The following TOP1 variants were observed in gnomAD, a reference collection of about 807,000 sequenced individuals.
TOP1 encodes the protein DNA topoisomerase 1.
A neutral mutation model predicts 111.1 loss-of-function variants in TOP1; 10 were observed. That is an observed-to-expected ratio of 0.09 (90% CI 0.06 to 0.15). The LOEUF (loss-of-function observed/expected upper bound fraction) is 0.15, where lower values mean the gene tolerates loss of function less well. Among genes scored for constraint, TOP1 ranks in the 10% least tolerant of loss-of-function variants. TOP1 has a pLI of 1.00. For missense variants in TOP1, 474 were observed against 926.7 expected (o/e 0.51, Z 6.34); for synonymous variants, 271 against 302.9 (o/e 0.89, Z 1.10).
At chr20:41,077,516 C>A in intron 4 of TOP1, 66 bp from the exon 5 acceptor site, 1 of 1,324,382 alleles carries the variant, frequency 7.6e-7, no homozygotes, top group South Asian at 1.2e-5. Context: ...GCTACATATT[C>A]TCAAAAAGAG....
chr20:41,033,626 A>G lies in TOP1; in HGVS notation c.58+4171A>G, dbSNP rs186058821. Among the ~76,000 whole-genome samples, 214 of 152,294 alleles carry G rather than the reference A, an allele frequency of 1.4e-3. 1 individual carries two copies. The highest frequency in any genetic ancestry group is 2.0e-3 in the Non-Finnish European group (133 of 68,026). The stretch of plus-strand genomic sequence containing the variant: ...ATAGTAACAGTTGTCCCTGCTGCTA[A>G]TGGTATGGAAAATGATTCTGTTGTG... On this transcript the variant is annotated intron_variant, in intron 2 of 20. Transcript: ENST00000361337.
At position 41,058,220 on chromosome 20, in the gene TOP1, A is replaced by G. The variant is rs2033498461; in HGVS notation, c.59-3174A>G. 6.6e-6 allele frequency among the ~76,000 whole-genome samples: 1 copy of G among 152,246 alleles called. No homozygotes were observed. The highest frequency in any genetic ancestry group is 6.5e-5 in the Admixed American group (1 of 15,286). On this transcript the variant is annotated intron_variant, in intron 2 of 20. Transcript: ENST00000361337. This position sits in a 1 kb window ranked among gnomAD's most constrained non-coding sequence, Gnocchi z 4.2. ...GACACATGTGGCTTCTTTTGCTGTG[A>G]GCCAGTCATGGGATGAAGACACATT...
chr20:41,070,882 G>A (rs145296718), intron 3 of TOP1, among the ~76,000 whole-genome samples: 55 of 152,324 alleles, frequency 3.6e-4, no homozygotes, highest in African/African-American at 1.3e-3. Context: ...CTCTTTAGAG[G>A]TAGTTCCTTG....
At chr20:41,107,211 A>G (rs2034160222) in intron 13 of TOP1, among the ~76,000 whole-genome samples, 1 of 152,184 alleles carries the variant, frequency 6.6e-6, no homozygotes, top group Admixed American at 6.5e-5. Flanking sequence ...AGGGATATAT[A>G]TGTATTTATA....
chr20:41,116,205 A>C lies in TOP1; in HGVS notation c.1708-73A>C. 1.0e-6 allele frequency: 1 copy of C among 967,276 alleles called. No individual in the cohort carries two copies. Among genetic ancestry groups the C allele is most frequent in the Non-Finnish European group, 1.6e-6 (1 of 613,084 alleles). 59.9% of individuals were successfully genotyped at this position (967,276 alleles called of 1,614,324 possible). A position where few individuals can be genotyped will look rare whatever the true frequency, so the allele number is the denominator to read the frequency against. ...ACAAGATTGTGACTGCACTGGCATA[A>C]ATTACTCCTAGGGCTGCCAGAAGGA... On this transcript the variant is annotated intron_variant, in intron 16 of 20. Transcript: ENST00000361337. This position sits in a 1 kb window ranked among gnomAD's most constrained non-coding sequence, Gnocchi z 5.6.
At chr20:41,057,076 G>A (rs573828672) in intron 2 of TOP1, among the ~76,000 whole-genome samples, 1 of 152,070 alleles carries the variant, frequency 6.6e-6, no homozygotes, top group African/African-American at 2.4e-5. Context: ...GACCAGCCTC[G>A]GCAACACGGT....
chr20:41,056,899 T>A (rs925717762), intron 2 of TOP1, among the ~76,000 whole-genome samples: 1 of 152,200 alleles, frequency 6.6e-6, no homozygotes, highest in Admixed American at 6.5e-5. Context: ...ATTTGCATTT[T>A]TAGACAGCAG....
intron 2 of TOP1, among the ~76,000 whole-genome samples, chr20:41,041,686 T>C (rs2033266938): frequency 1.3e-5 from 2 of 152,156 alleles, no homozygotes; most frequent in South Asian, 4.1e-4. Context: ...TTGAAGTTGA[T>C]TCTATAGTGG....
chr20:41,038,140 C>G (rs2033212426), intron 2 of TOP1, among the ~76,000 whole-genome samples: 1 of 152,166 alleles, frequency 6.6e-6, no homozygotes, highest in Non-Finnish European at 1.5e-5. Context: ...TCCTCTGATA[C>G]AGAATGCGAA....
Position 41,102,570 on chromosome 20 carries a change from A to G in TOP1, c.1308+1217A>G, listed in dbSNP as rs1283161028. ...GGTCGCAGTGAGCTGAGATCACGCC[A>G]CTGCACTCCAGCCTGGGCAAGAGAC... On this transcript the variant is annotated intron_variant, in intron 13 of 20. Transcript: ENST00000361337. The surrounding 1 kb of genome is among the most constrained non-coding windows in gnomAD (Gnocchi z 4.0). Among the ~76,000 whole-genome samples the G allele has an allele frequency of 1.3e-5, 2 of 152,242 alleles. No homozygotes were observed. The highest frequency in any genetic ancestry group is 2.4e-5 in the African/African-American group (1 of 41,468).
intron 2 of TOP1, among the ~76,000 whole-genome samples, chr20:41,047,714 A>G (rs151251273): frequency 5.6e-4 from 85 of 152,330 alleles, no homozygotes; most frequent in African/African-American, 2.0e-3. Flanking sequence ...TGAATGGGCT[A>G]CAAGGTGTAT....
rs777034891 is a variant in TOP1 at position 41,112,857 on chromosome 20, C to G, written c.1384C>G (p.Arg462Gly). Residue 462 changes from arginine to glycine, a missense_variant, in exon 14 of 21, where the codon CGA becomes GGA. By Grantham distance (125) the Arg-to-Gly change is moderately radical. Transcript: ENST00000361337. This position sits in a 1 kb window ranked among gnomAD's most constrained non-coding sequence, Gnocchi z 5.8. ...TGTGGACAAGATCCGGAACCAGTAT[C>G]GAGAAGACTGGAAGTCCAAAGAGAT... ...KCVDKIRNQY[R>G]EDWKSKEMKV... The G allele has an allele frequency of 6.2e-7, 1 of 1,614,112 alleles. No individual in the cohort carries two copies. The highest frequency in any genetic ancestry group is 8.5e-7 in the Non-Finnish European group (1 of 1,179,990).
rs187108976 is a variant in TOP1 at position 41,046,486 on chromosome 20, T to A, written c.59-14908T>A. 9.0e-4 allele frequency among the ~76,000 whole-genome samples: 137 copies of A among 152,322 alleles called. No homozygotes were observed. The highest frequency in any genetic ancestry group is 3.1e-3 in the African/African-American group (129 of 41,568). ...TTACCCATCAGACTGGGGGCGCCCA[T>A]CTCTTCACTTATGATGTGTCCTTAA... On this transcript the variant is annotated intron_variant, in intron 2 of 20. Transcript: ENST00000361337. The surrounding 1 kb of genome is among the most constrained non-coding windows in gnomAD (Gnocchi z 4.3).
intron 3 of TOP1, among the ~76,000 whole-genome samples, chr20:41,065,030 A>G (rs1178137909): frequency 1.3e-5 from 2 of 152,014 alleles, no homozygotes; most frequent in African/African-American, 2.4e-5. Flanking sequence ...TCTGCCTCCC[A>G]AGTAGCTGGG....
In TOP1 at chr20:41,122,151, G is replaced by T. The variant is rs759801090; in HGVS notation, c.2191G>T (p.Ala731Ser). 2 of 1,614,048 alleles carry T rather than the reference G, an allele frequency of 1.2e-6. No individual in the cohort carries two copies. The highest frequency in any genetic ancestry group is 1.7e-5 in the Admixed American group (1 of 60,020). Residue 731 changes from alanine (A) to serine (S), a missense_variant, in exon 20 of 21, where the codon GCT becomes TCT. Physicochemically the swap from Ala to Ser is moderately conservative, Grantham distance 99. Transcript: ENST00000361337. This position sits in a 1 kb window ranked among gnomAD's most constrained non-coding sequence, Gnocchi z 5.4. Reference protein sequence around the residue: ...LNYLDPRITVAWCKKWGVPIE... With the variant: ...LNYLDPRITVSWCKKWGVPIE... ...TTATCTGGACCCTAGGATCACAGTG[G>T]CTTGGTAAGTGTTGAGCCCTCCTTG...
chr20:41,087,213 T>G (rs1385159272), intron 8 of TOP1, among the ~76,000 whole-genome samples: 1 of 152,262 alleles, frequency 6.6e-6, no homozygotes, highest in Non-Finnish European at 1.5e-5. Flanking sequence ...TTCTTTGCTA[T>G]ATCACGTTAT....
Position 41,071,194 on chromosome 20 carries a change from C to T in TOP1, c.156-4977C>T, listed in dbSNP as rs2033665019. On this transcript the variant is annotated intron_variant, in intron 3 of 20. Coordinates refer to ENST00000361337, the MANE Select transcript of TOP1 (RefSeq NM_003286.4). This position sits in a 1 kb window ranked among gnomAD's most constrained non-coding sequence, Gnocchi z 4.3. ...ATTGTTCCCTACTGGCTCCCTACTT[C>T]CACCGTTTCTCCCACTCTTCTATAT... Among the ~76,000 whole-genome samples, 1 of 152,142 alleles carries T rather than the reference C, an allele frequency of 6.6e-6. No individual in the cohort carries two copies. Among genetic ancestry groups the T allele is most frequent in the Non-Finnish European group, 1.5e-5 (1 of 68,022 alleles).
At chr20:41,104,992 A>T (rs1390314083) in intron 13 of TOP1, among the ~76,000 whole-genome samples, 1 of 152,204 alleles carries the variant, frequency 6.6e-6, no homozygotes, top group Non-Finnish European at 1.5e-5. Flanking sequence ...TATGTAATGA[A>T]CACTCGTATG....
chr20:41,065,048 T>C (rs1311779432), intron 3 of TOP1, among the ~76,000 whole-genome samples: 1 of 151,952 alleles, frequency 6.6e-6, no homozygotes, highest in Non-Finnish European at 1.5e-5. Context: ...GGGATTAAGG[T>C]GCGTGCCCCG....
Sources: gnomAD v4.1 joint callset for allele counts (sites outside exome capture counted in the v4.1 genomes callset) on GRCh38, gnomAD v4.1.1 for gene constraint, Gnocchi (gnomAD v3.1) non-coding constraint, MANE v1.5 for transcripts, NCBI Gene and HGNC (gene_info 2026-07-23, HGNC 2026-07-21) for gene names.